The following VWC2L variants were observed in gnomAD, a reference collection of about 807,000 sequenced individuals.
The protein encoded by VWC2L is von Willebrand factor C domain containing 2 like.
In VWC2L, 10 loss-of-function variants were observed where a neutral mutation model predicts 21.6. That is an observed-to-expected ratio of 0.46 (90% CI 0.29 to 0.78). VWC2L has a LOEUF of 0.78. Among genes scored for constraint, VWC2L ranks in the 30% least tolerant of loss-of-function variants. VWC2L has a pLI of 0.10. For missense variants in VWC2L, 209 were observed against 277.1 expected, an observed-to-expected ratio of 0.75 and a Z score of 1.74; for synonymous variants, 96 against 94.3, an observed-to-expected ratio of 1.02 and a Z score of -0.10.
At chr2:214,426,849 T>A (rs1702530858) in intron 2 of VWC2L, among the ~76,000 whole-genome samples, 1 of 152,222 alleles carries the variant, frequency 6.6e-6, no homozygotes, top group Non-Finnish European at 1.5e-5. Flanking sequence ...TATTTCATGT[T>A]TAGTCACCTC....
intron 3 of VWC2L, chr2:214,510,240 T>C (rs1689032676): frequency 6.6e-6 from 1 of 152,228 alleles, no homozygotes. Flanking sequence ...TTATCATAGA[T>C]TGTGATCAAT....
Position 214,576,892 on chromosome 2 carries a change from A to C in VWC2L, c.*1072A>C, listed in dbSNP as rs1249816783. Reference sequence around the variant, plus strand: ...AGATTCAGGACACCCTTTCCACCTCAAGTGCTGATTTAAATTAAAGATTAG... The same window carrying C: ...AGATTCAGGACACCCTTTCCACCTCCAGTGCTGATTTAAATTAAAGATTAG... On this transcript the variant is annotated 3_prime_UTR_variant, in exon 4 of 4. Coordinates refer to ENST00000312504, the MANE Select transcript of VWC2L (RefSeq NM_001080500.4). 1 of 136,270 alleles carries C rather than the reference A, an allele frequency of 7.3e-6. No homozygotes were observed. Among genetic ancestry groups the C allele is most frequent in the Non-Finnish European group, 1.5e-5 (1 of 65,068 alleles). 8.4% of individuals were successfully genotyped at this position (136,270 alleles called of 1,614,324 possible).
At chr2:214,526,110 A>G (rs1054891626) in intron 3 of VWC2L, among the ~76,000 whole-genome samples, 11 of 150,702 alleles carry the variant, frequency 7.3e-5, no homozygotes, top group African/African-American at 2.7e-4. Flanking sequence ...TTCATCTATT[A>G]TATATAATCA....
At chr2:214,543,683 T>C (rs1010327165) in intron 3 of VWC2L, among the ~76,000 whole-genome samples, 1 of 148,826 alleles carries the variant, frequency 6.7e-6, no homozygotes, top group Non-Finnish European at 1.5e-5. Context: ...GAGAGGAAAA[T>C]GAAGATGGCT....
intron 3 of VWC2L, among the ~76,000 whole-genome samples, chr2:214,528,883 A>G (rs1689386635): frequency 6.6e-6 from 1 of 152,228 alleles, no homozygotes; most frequent in African/African-American, 2.4e-5. Context: ...AGTTCATGAT[A>G]GAGTCTCTCT....
At chr2:214,497,440 G>C (rs535008790) in intron 3 of VWC2L, among the ~76,000 whole-genome samples, 1 of 152,042 alleles carries the variant, frequency 6.6e-6, no homozygotes, top group African/African-American at 2.4e-5. Flanking sequence ...CCCAATTTTC[G>C]CAACCTCATC....
chr2:214,543,570 C>T (rs1193493354), intron 3 of VWC2L, among the ~76,000 whole-genome samples: 1 of 151,386 alleles, frequency 6.6e-6, no homozygotes, highest in Non-Finnish European at 1.5e-5. Flanking sequence ...TCCAGAAGAA[C>T]AAGCCATGTG....
chr2:214,484,109 C>G (rs150502625), intron 3 of VWC2L, among the ~76,000 whole-genome samples: 1 of 152,254 alleles, frequency 6.6e-6, no homozygotes, highest in Non-Finnish European at 1.5e-5. Context: ...GGCCTGCTCC[C>G]CTATGCGCCT....
chr2:214,575,561 G>C, intron 3 of VWC2L, 111 bp from the exon 4 acceptor site: 1 of 1,198,946 alleles, frequency 8.3e-7, no homozygotes, highest in African/African-American at 1.5e-5. Context: ...TGATAAGTCA[G>C]TAGAGTAGTC....
intron 3 of VWC2L, among the ~76,000 whole-genome samples, chr2:214,451,903 T>G (rs2126184996): frequency 2.0e-5 from 3 of 152,300 alleles, no homozygotes; most frequent in Middle Eastern, 3.4e-3. Context: ...CTGTACATTT[T>G]TAAAATATTT....
At chr2:214,425,491 AT>A (rs1702508569) in intron 2 of VWC2L, among the ~76,000 whole-genome samples, 1 of 152,210 alleles carries the variant, frequency 6.6e-6, no homozygotes, top group Non-Finnish European at 1.5e-5. Flanking sequence ...TTCACTGAAA[AT>A]TCTCAAATAA....
intron 3 of VWC2L, among the ~76,000 whole-genome samples, chr2:214,438,856 T>G (rs1351165601): frequency 6.6e-6 from 1 of 152,052 alleles, no homozygotes; most frequent in East Asian, 1.9e-4. Flanking sequence ...GTATTTCTGA[T>G]AAACAGATGC....
chr2:214,444,642 TAATA>T (rs1702812961), intron 3 of VWC2L, among the ~76,000 whole-genome samples: 1 of 152,044 alleles, frequency 6.6e-6, no homozygotes, highest in Non-Finnish European at 1.5e-5. Context: ...CCAGCTGTAT[TAATA>T]TATAAAGATG....
intron 3 of VWC2L, among the ~76,000 whole-genome samples, chr2:214,457,733 A>T (rs1183279035): frequency 2.6e-5 from 4 of 152,078 alleles, no homozygotes; most frequent in Non-Finnish European, 5.9e-5. Flanking sequence ...TCTTGAGATG[A>T]TCACAATCAT....
chr2:214,430,845 C>CT (rs960039602), intron 2 of VWC2L, among the ~76,000 whole-genome samples: 1 of 151,962 alleles, frequency 6.6e-6, no homozygotes, highest in African/African-American at 2.4e-5. Flanking sequence ...TGTGCATCTG[C>CT]TTTTTTTTAT....
intron 3 of VWC2L, among the ~76,000 whole-genome samples, chr2:214,439,338 T>C (rs949079740): frequency 6.6e-6 from 1 of 152,014 alleles, no homozygotes; most frequent in African/African-American, 2.4e-5. Context: ...TTTAAGTCTA[T>C]CTCATTATAT....
rs572175927 is a variant in VWC2L, at chr2:214,571,665, TG to T, written c.521-4006del. On this transcript the variant is annotated intron_variant, in intron 3 of 3. Coordinates refer to ENST00000312504, the MANE Select transcript of VWC2L (RefSeq NM_001080500.4). Reference sequence around the variant, plus strand: ...TAAGAAATAACAAACCTTCAGTTCCTGTCTTCAAGGATCTGACAACTTAAAC... The same window carrying T: ...TAAGAAATAACAAACCTTCAGTTCCTTCTTCAAGGATCTGACAACTTAAAC... Among the ~76,000 whole-genome samples, 326 of 152,384 alleles carry T rather than the reference TG, an allele frequency of 2.1e-3. 1 individual carries two copies. The highest frequency in any genetic ancestry group is 6.9e-3 in the African/African-American group (288 of 41,600).
intron 3 of VWC2L, among the ~76,000 whole-genome samples, chr2:214,464,187 T>G (rs1412954888): frequency 6.6e-6 from 1 of 152,150 alleles, no homozygotes; most frequent in Non-Finnish European, 1.5e-5. Flanking sequence ...GGTCATGTTA[T>G]CCTGGCTGGG....
At position 214,578,093 on chromosome 2, in the gene VWC2L, G is replaced by A. The variant is rs1690261500; in HGVS notation, c.*2273G>A. 6.6e-6 allele frequency: 1 copy of A among 152,128 alleles called. No individual in the cohort carries two copies. Among genetic ancestry groups the A allele is most frequent in the Non-Finnish European group, 1.5e-5 (1 of 68,022 alleles). 9.4% of individuals were successfully genotyped at this position (152,128 alleles called of 1,614,324 possible). ...ATAGAGCTTTCTTTGCCCCGAGGTT[G>A]CCTGTTGCCAACTTCAAAAATCCAC... On this transcript the variant is annotated 3_prime_UTR_variant, in exon 4 of 4. Transcript: ENST00000312504.
Sources: gnomAD v4.1 joint callset for allele counts (sites outside exome capture counted in the v4.1 genomes callset) on GRCh38, gnomAD v4.1.1 for gene constraint, MANE v1.5 for transcripts, NCBI Gene and HGNC (gene_info 2026-07-23, HGNC 2026-07-21) for gene names.